The following C1orf185 variants were observed in gnomAD, a reference collection of about 807,000 sequenced individuals.
C1orf185 encodes the protein chromosome 1 open reading frame 185.
C1orf185 carries 13 observed loss-of-function variants against 16.1 expected under a neutral mutation model. The observed-to-expected ratio is 0.81, with a 90% confidence interval of 0.53 to 1.28. C1orf185 has a LOEUF of 1.28. C1orf185 is among the 50% of genes most tolerant of loss of function. The pLI is 0.00. For missense variants in C1orf185, 220 were observed against 225.2 expected, an observed-to-expected ratio of 0.98 and a Z score of 0.15; for synonymous variants, 80 against 76.9, an observed-to-expected ratio of 1.04 and a Z score of -0.21.
chr1:51,118,916 G>A, intron 3 of C1orf185, 115 bp downstream of exon 3: 4 of 852,074 alleles, frequency 4.7e-6, no homozygotes, highest in Non-Finnish European at 6.5e-6. Context: ...TTTTTAATTT[G>A]AGGGACAAAC....
intron 1 of C1orf185, among the ~76,000 whole-genome samples, chr1:51,102,657 C>A (rs755803971): frequency 1.3e-5 from 2 of 150,648 alleles, no homozygotes; most frequent in South Asian, 2.1e-4. Flanking sequence ...CTATTTTTTT[C>A]ATTTGGTTAA....
At chr1:51,109,607 G>T (rs1034907486) in intron 1 of C1orf185, among the ~76,000 whole-genome samples, 2 of 151,874 alleles carry the variant, frequency 1.3e-5, no homozygotes, top group Non-Finnish European at 2.9e-5. Context: ...AGAGATAAGG[G>T]TCTTCTGCAG....
intron 3 of C1orf185, among the ~76,000 whole-genome samples, chr1:51,124,702 A>T (rs574383569): frequency 5.3e-5 from 8 of 152,310 alleles, no homozygotes; most frequent in African/African-American, 1.9e-4. Context: ...GTAATATCTG[A>T]GTCATTGCCA....
downstream of C1orf185, among the ~76,000 whole-genome samples, chr1:51,148,480 G>A (rs1385587118): frequency 2.0e-5 from 3 of 152,058 alleles, no homozygotes; most frequent in Non-Finnish European, 4.4e-5. Flanking sequence ...TACTTTTGAT[G>A]TTTTCAATTT....
At chr1:51,150,555 T>C (rs1646425633), downstream of C1orf185, among the ~76,000 whole-genome samples, 2 of 152,178 alleles carry the variant, frequency 1.3e-5, no homozygotes, top group East Asian at 3.8e-4. Context: ...TCTTACTCCA[T>C]ATCATAGGTA....
At position 51,145,734 on chromosome 1, in the gene C1orf185, GA is replaced by G. The variant is rs1646394383; in HGVS notation, c.275del (p.Lys92ArgfsTer6). On this transcript the variant is annotated frameshift_variant, in exon 4 of 5. Coordinates refer to ENST00000371759, the MANE Select transcript of C1orf185 (RefSeq NM_001136508.2). LOFTEE classifies it low-confidence loss of function (END_TRUNC). ...TGRFQLQEEQ[R>X]KKEAAHIKAI... Reference sequence around the variant, plus strand: ...CTTTTTTTAATGTAGGAGGAGCAAAGAAAAAAGGAAGCAGCACATATAAAAG... The same window carrying G: ...CTTTTTTTAATGTAGGAGGAGCAAAGAAAAAGGAAGCAGCACATATAAAAG... 4.6e-6 allele frequency: 6 copies of G among 1,309,092 alleles called. No homozygotes were observed. The highest frequency in any genetic ancestry group is 1.5e-5 in the African/African-American group (1 of 66,174). The allele number at this position is 1,309,092 out of a possible 1,614,324, so 81.1% of individuals were successfully genotyped here.
chr1:51,148,048 C>A lies in C1orf185; in HGVS notation c.*277C>A. 3.7e-6 allele frequency: 1 copy of A among 272,940 alleles called. No individual in the cohort carries two copies. Among genetic ancestry groups the A allele is most frequent in the Non-Finnish European group, 6.9e-6 (1 of 145,248 alleles). 16.9% of individuals were successfully genotyped at this position (272,940 alleles called of 1,614,324 possible). On this transcript the variant is annotated 3_prime_UTR_variant, in exon 5 of 5. Coordinates refer to ENST00000371759, the MANE Select transcript of C1orf185 (RefSeq NM_001136508.2). The stretch of plus-strand genomic sequence containing the variant: ...TTAAGCTTAACTTATTGTATCTCAT[C>A]CAAAGACATATTAAATAAAATGAGT...
Position 51,147,853 on chromosome 1 carries a change from T to A in C1orf185, c.*82T>A. ...AAATATAAAACCTTCAACATAATAC[T>A]GAATGACTTTTTTCTTTTGAAACCT... On this transcript the variant is annotated 3_prime_UTR_variant, in exon 5 of 5. Coordinates refer to ENST00000371759, the MANE Select transcript of C1orf185 (RefSeq NM_001136508.2). 8.1e-7 allele frequency: 1 copy of A among 1,241,892 alleles called. No homozygotes were observed. The highest frequency in any genetic ancestry group is 1.1e-6 in the Non-Finnish European group (1 of 930,234). The allele number at this position is 1,241,892 out of a possible 1,614,324, so 76.9% of individuals were successfully genotyped here.
rs549027664 is a variant in C1orf185, at chr1:51,128,301, C to T, written c.258+9500C>T. Among the ~76,000 whole-genome samples the T allele has an allele frequency of 7.2e-5, 11 of 152,316 alleles. No individual in the cohort carries two copies. In the East Asian group the frequency reaches 1.5e-3, roughly 21 times the overall value. On this transcript the variant is annotated intron_variant, in intron 3 of 4. Transcript: ENST00000371759. Reference sequence around the variant, plus strand: ...GAGCAGATTTCCAAAGTGATTGTAACTTATTTCACTCCCACCAGCAATAAG... The same window carrying T: ...GAGCAGATTTCCAAAGTGATTGTAATTTATTTCACTCCCACCAGCAATAAG...
At chr1:51,134,659 A>G (rs975290999) in intron 3 of C1orf185, among the ~76,000 whole-genome samples, 9 of 152,218 alleles carry the variant, frequency 5.9e-5, no homozygotes, top group African/African-American at 2.2e-4. Flanking sequence ...ATCAGAAATG[A>G]CAAGGGGGAT....
intron 3 of C1orf185, among the ~76,000 whole-genome samples, chr1:51,134,345 T>TA (rs1389201139): frequency 3.3e-5 from 5 of 152,002 alleles, no homozygotes; most frequent in African/African-American, 4.8e-5. Context: ...AAGGCAGTAT[T>TA]AAAAGAGAAA....
intron 3 of C1orf185, among the ~76,000 whole-genome samples, chr1:51,122,702 G>A (rs1017638708): frequency 3.3e-5 from 5 of 152,118 alleles, no homozygotes; most frequent in African/African-American, 1.2e-4. Flanking sequence ...CATACAGAAT[G>A]GTTTCATTAT....
intron 4 of C1orf185, 149 bp from the exon 5 acceptor site, chr1:51,147,318 A>T: frequency 1.7e-6 from 1 of 601,540 alleles, no homozygotes; most frequent in South Asian, 4.3e-5. Flanking sequence ...TCATGAAAAT[A>T]TTGCTAATTC....
chr1:51,123,892 G>C (rs983541666), intron 3 of C1orf185, among the ~76,000 whole-genome samples: 1 of 151,068 alleles, frequency 6.6e-6, no homozygotes, highest in Non-Finnish European at 1.5e-5. Context: ...AAGTTTTAAA[G>C]AACTTATATA....
chr1:51,145,724 G>T lies in C1orf185; in HGVS notation c.259G>T (p.Glu87Ter). 1 of 1,302,924 alleles carries T rather than the reference G, an allele frequency of 7.7e-7. No homozygotes were observed. Among genetic ancestry groups the T allele is most frequent in the Non-Finnish European group, 1.0e-6 (1 of 962,554 alleles). The allele number at this position is 1,302,924 out of a possible 1,614,324, so 80.7% of individuals were successfully genotyped here. A position where few individuals can be genotyped will look rare whatever the true frequency, so the allele number is the denominator to read the frequency against. The part of the protein sequence containing the change: ...NFHTGRFQLQ[E>*]EQRKKEAAHI... ...ACACAAATAACTTTTTTTAATGTAG[G>T]AGGAGCAAAGAAAAAAGGAAGCAGC... Residue 87 changes from glutamate to a stop codon, truncating the protein, a stop_gained and splice_region_variant, in exon 4 of 5, where the codon GAG (glutamate) becomes TAG (stop). Transcript: ENST00000371759. LOFTEE classifies it low-confidence loss of function (END_TRUNC).
chr1:51,147,754 C>T lies in C1orf185; in HGVS notation c.583C>T (p.Leu195=), dbSNP rs1184823367. 1.9e-6 allele frequency: 3 copies of T among 1,538,958 alleles called. No homozygotes were observed. Among genetic ancestry groups the T allele is most frequent in the Non-Finnish European group, 2.6e-6 (3 of 1,141,052 alleles). ...ATTAGAAGAGGGTACTGAAAGTGTACTGAATGACACTTTATGACCATCAAA... is the reference window on the plus strand; with the variant it reads ...ATTAGAAGAGGGTACTGAAAGTGTATTGAATGACACTTTATGACCATCAAA... The part of the protein sequence containing the change: ...ISLEEGTESV[L]NDTL The change falls in exon 5 of 5, where the codon CTG becomes TTG. Residue 195 remains leucine, a synonymous_variant. Coordinates refer to ENST00000371759, the MANE Select transcript of C1orf185 (RefSeq NM_001136508.2).
At chr1:51,141,332 CA>C (rs1201691306) in intron 3 of C1orf185, among the ~76,000 whole-genome samples, 12 of 151,232 alleles carry the variant, frequency 7.9e-5, no homozygotes, top group Middle Eastern at 3.4e-3. Context: ...TCTACACCTC[CA>C]AAAAAAAATT....
At chr1:51,107,525 G>A (rs1646082476) in intron 1 of C1orf185, among the ~76,000 whole-genome samples, 1 of 152,156 alleles carries the variant, frequency 6.6e-6, no homozygotes, top group Admixed American at 6.5e-5. Context: ...GTGCATAAGT[G>A]AAATCAGTAC....
chr1:51,151,890 C>T (rs1440855379), downstream of C1orf185, among the ~76,000 whole-genome samples: 1 of 152,040 alleles, frequency 6.6e-6, no homozygotes, highest in Non-Finnish European at 1.5e-5. Context: ...GGGGTTTCAC[C>T]ATCTTGGCCA....
Sources: gnomAD v4.1 joint callset for allele counts (sites outside exome capture counted in the v4.1 genomes callset) on GRCh38, gnomAD v4.1.1 for gene constraint, MANE v1.5 for transcripts, NCBI Gene and HGNC (gene_info 2026-07-23, HGNC 2026-07-21) for gene names.